Variants in PPP1R12B observed in about 807,000 individuals in gnomAD.
The protein encoded by PPP1R12B is myosin phosphatase target subunit 2.
PPP1R12B carries 76 observed loss-of-function variants against 126.1 expected under a neutral mutation model. That is an observed-to-expected ratio of 0.60 (90% CI 0.50 to 0.73). PPP1R12B has a LOEUF of 0.73. Ranked by LOEUF, PPP1R12B falls within the 30% of genes least tolerant of loss-of-function variation. The probability of loss-of-function intolerance (pLI) is 0.00; values close to 1 mark genes in which losing one functional copy is unlikely to be tolerated. For missense variants in PPP1R12B, 1,052 were observed against 1,205.1 expected, an observed-to-expected ratio of 0.87 and a Z score of 1.88; for synonymous variants, 356 against 434.7, an observed-to-expected ratio of 0.82 and a Z score of 2.25.
chr1:202,581,631 T>C lies in PPP1R12B; in HGVS notation c.*1071T>C, dbSNP rs1210130487. On this transcript the variant is annotated 3_prime_UTR_variant, in exon 24 of 24. Coordinates refer to ENST00000608999, the MANE Select transcript of PPP1R12B (RefSeq NM_002481.4). ...AGGAATGAGAGGTGGGGAGGGGAGA[T>C]TGTTGAGAGATGGACTAGGAAGTGG... is the stretch of plus-strand genomic sequence containing the variant. The C allele has an allele frequency of 3.3e-5, 5 of 151,970 alleles. No homozygotes were observed. The highest frequency in any genetic ancestry group is 1.2e-4 in the African/African-American group (5 of 41,360). The allele number at this position is 151,970 out of a possible 1,614,324, so 9.4% of individuals were successfully genotyped here.
At chr1:202,457,568 G>A (rs1414797924) in intron 13 of PPP1R12B, among the ~76,000 whole-genome samples, 4 of 149,238 alleles carry the variant, frequency 2.7e-5, no homozygotes, top group African/African-American at 9.8e-5. Flanking sequence ...AAAAAAAAAA[G>A]AAAGAAAGAA....
At chr1:202,417,261 T>A (rs879828980) in intron 2 of PPP1R12B, 1 of 985,312 alleles carries the variant, frequency 1.0e-6, no homozygotes, top group Non-Finnish European at 1.2e-6. Flanking sequence ...TTTTCTGGAT[T>A]CTTTGTAAAC....
intron 19 of PPP1R12B, among the ~76,000 whole-genome samples, chr1:202,561,462 A>AGAG (rs966747438): frequency 1.3e-5 from 2 of 151,870 alleles, no homozygotes; most frequent in Admixed American, 6.6e-5. Flanking sequence ...GTAAGTATAG[A>AGAG]GAGGAGGAGG....
intron 9 of PPP1R12B, among the ~76,000 whole-genome samples, chr1:202,435,198 A>G (rs1350888361): frequency 1.3e-5 from 2 of 152,176 alleles, no homozygotes; most frequent in South Asian, 2.1e-4. Context: ...TCACATTGGG[A>G]ATTAGTGCTT....
intron 13 of PPP1R12B, 22 bp downstream of exon 13, chr1:202,449,193 A>T: frequency 1.3e-6 from 2 of 1,573,102 alleles, no homozygotes; most frequent in Non-Finnish European, 1.7e-6. Flanking sequence ...TACTGATTTC[A>T]TTTGTGGGGC....
At position 202,585,611 on chromosome 1, in the gene PPP1R12B, CT is replaced by C. The variant is rs1288167139; in HGVS notation, c.*5052del. On this transcript the variant is annotated 3_prime_UTR_variant, in exon 24 of 24. Transcript: ENST00000608999. ...GGGATTTCTGCTTCAAAAATTCTTT[CT>C]AACCTCAAAAATCCAAGTCCAGAAT... 1 of 152,194 alleles carries C rather than the reference CT, an allele frequency of 6.6e-6. No individual in the cohort carries two copies. Among genetic ancestry groups the C allele is most frequent in the Non-Finnish European group, 1.5e-5 (1 of 68,018 alleles). The allele number at this position is 152,194 out of a possible 1,614,324, so 9.4% of individuals were successfully genotyped here. A position where few individuals can be genotyped will look rare whatever the true frequency, so the allele number is the denominator to read the frequency against.
chr1:202,355,627 A>T (rs932248940), intron 1 of PPP1R12B, among the ~76,000 whole-genome samples: 2 of 152,162 alleles, frequency 1.3e-5, no homozygotes, highest in African/African-American at 4.8e-5. Flanking sequence ...TGGACTCCTT[A>T]GTAGAGAATT....
At chr1:202,377,114 G>A (rs1463899025) in intron 1 of PPP1R12B, among the ~76,000 whole-genome samples, 1 of 152,136 alleles carries the variant, frequency 6.6e-6, no homozygotes, top group Non-Finnish European at 1.5e-5. Flanking sequence ...CTAAGACATG[G>A]TGTCATGAAA....
At chr1:202,543,903 A>G (rs1685391470) in intron 18 of PPP1R12B, among the ~76,000 whole-genome samples, 1 of 152,160 alleles carries the variant, frequency 6.6e-6, no homozygotes, top group South Asian at 2.1e-4. Context: ...ATAATGAAGT[A>G]ATTTTTTTTA....
intron 18 of PPP1R12B, among the ~76,000 whole-genome samples, chr1:202,515,151 G>A (rs1161486707): frequency 6.6e-6 from 1 of 152,134 alleles, no homozygotes; most frequent in Non-Finnish European, 1.5e-5. Context: ...TGAGGGAGGA[G>A]GGTAGGAGGA....
intron 13 of PPP1R12B, among the ~76,000 whole-genome samples, chr1:202,456,867 G>A (rs1027393994): frequency 1.3e-5 from 2 of 152,182 alleles, no homozygotes; most frequent in Non-Finnish European, 2.9e-5. Context: ...GTAAAAGACT[G>A]TAAACTGTAA....
intron 18 of PPP1R12B, among the ~76,000 whole-genome samples, chr1:202,531,904 T>C (rs751425616): frequency 6.6e-6 from 1 of 152,184 alleles, no homozygotes; most frequent in Non-Finnish European, 1.5e-5. Flanking sequence ...TTCTTAGATC[T>C]CACGCAAGAA....
At chr1:202,412,478 A>G (rs900089666) in intron 1 of PPP1R12B, among the ~76,000 whole-genome samples, 13 of 152,204 alleles carry the variant, frequency 8.5e-5, no homozygotes, top group African/African-American at 3.1e-4. Flanking sequence ...GGGCCTCTGG[A>G]ATGTGGCTGC....
chr1:202,525,782 A>C (rs1326688633), intron 18 of PPP1R12B, among the ~76,000 whole-genome samples: 1 of 151,872 alleles, frequency 6.6e-6, no homozygotes, highest in Non-Finnish European at 1.5e-5. Flanking sequence ...ACTGCAGCCT[A>C]CGCCTCCCAG....
rs922474651 is a variant in PPP1R12B at position 202,582,418 on chromosome 1, A to G, written c.*1858A>G. 1.3e-5 allele frequency: 2 copies of G among 152,766 alleles called. No individual in the cohort carries two copies. Among genetic ancestry groups the G allele is most frequent in the South Asian group, 2.1e-4 (1 of 4,828 alleles). 9.5% of individuals were successfully genotyped at this position (152,766 alleles called of 1,614,324 possible). On this transcript the variant is annotated 3_prime_UTR_variant, in exon 24 of 24. Coordinates refer to ENST00000608999, the MANE Select transcript of PPP1R12B (RefSeq NM_002481.4). ...ATCCCTTGGTTCACTTGAGTGTGCAAGTCATTAAATCCTCATCATTTTAGG... is the reference window on the plus strand; with the variant it reads ...ATCCCTTGGTTCACTTGAGTGTGCAGGTCATTAAATCCTCATCATTTTAGG...
chr1:202,416,956 T>C (rs1668157348), intron 2 of PPP1R12B, 39 bp downstream of exon 2: 10 of 1,584,500 alleles, frequency 6.3e-6, no homozygotes, highest in Non-Finnish European at 8.6e-6. Context: ...GTAGTATTTG[T>C]AGGAATAGCC....
chr1:202,466,573 ATC>A (rs1558263066), intron 13 of PPP1R12B, among the ~76,000 whole-genome samples: 1 of 151,648 alleles, frequency 6.6e-6, no homozygotes, highest in Non-Finnish European at 1.5e-5. Flanking sequence ...TAGCACTCAG[ATC>A]TCTCTCTCCA....
intron 18 of PPP1R12B, among the ~76,000 whole-genome samples, chr1:202,510,225 A>T (rs1681287645): frequency 6.6e-6 from 1 of 152,036 alleles, no homozygotes; most frequent in Non-Finnish European, 1.5e-5. Context: ...AGATACTGAT[A>T]TCCAGCAAGC....
intron 1 of PPP1R12B, among the ~76,000 whole-genome samples, chr1:202,363,338 A>G (rs566831232): frequency 6.6e-6 from 1 of 152,268 alleles, no homozygotes; most frequent in South Asian, 2.1e-4. Flanking sequence ...CTTGTACTTC[A>G]TGTTGATTCC....
Sources: allele counts gnomAD v4.1 joint callset (sites outside exome capture counted in the v4.1 genomes callset), GRCh38; gene constraint gnomAD v4.1.1; transcripts MANE v1.5; gene names NCBI Gene and HGNC (gene_info 2026-07-23, HGNC 2026-07-21).